Variants in CELF2 observed in about 807,000 individuals in gnomAD.
CELF2 encodes CUGBP Elav-like family member 2, also known as CUG triplet repeat RNA-binding protein 2.
Under a neutral mutation model 62.6 loss-of-function variants are expected in CELF2, and 8 were observed. The observed-to-expected ratio is 0.13, with a 90% CI of 0.07 to 0.23. The LOEUF is 0.23. Ranked by LOEUF, CELF2 falls within the 10% of genes least tolerant of loss-of-function variation. CELF2 has a pLI of 1.00. For missense variants in CELF2, 333 were observed against 671.0 expected, an observed-to-expected ratio of 0.50 and a Z score of 5.56; for synonymous variants, 258 against 250.0, an observed-to-expected ratio of 1.03 and a Z score of -0.30.
In CELF2 at chr10:11,008,924, TG is replaced by T. The variant is rs2055836397; in HGVS notation, c.53+3486del. On this transcript the variant is annotated intron_variant, in intron 1 of 12. Coordinates refer to the CELF2 transcript ENST00000416382. This position sits in a 1 kb window ranked among gnomAD's most constrained non-coding sequence, Gnocchi z 4.5. ...CAGTAATGAGCACAAGTCCATTCAG[TG>T]GCAATAATGCCTTCTTGGGTCACCT... is the stretch of plus-strand genomic sequence containing the variant. Among the ~76,000 whole-genome samples, 2 of 142,928 alleles carry T rather than the reference TG, an allele frequency of 1.4e-5. No individual in the cohort carries two copies. Among genetic ancestry groups the T allele is most frequent in the African/African-American group, 5.0e-5 (2 of 40,016 alleles). 93.8% of individuals were successfully genotyped at this position (142,928 alleles called of 152,430 possible).
At chr10:11,228,716 CGCAAAA>C (rs2067457472) in intron 3 of CELF2, among the ~76,000 whole-genome samples, 1 of 95,928 alleles carries the variant, frequency 1.0e-5, no homozygotes, top group Non-Finnish European at 2.0e-5. Flanking sequence ...CCGCGCCCCT[CGCAAAA>C]AAAAAAAAAA....
chr10:11,326,033 C>A, intron 12 of CELF2, 54 bp downstream of exon 12: 2 of 1,533,094 alleles, frequency 1.3e-6, no homozygotes, highest in South Asian at 1.2e-5. Flanking sequence ...AGTGAAGAGT[C>A]GTGGGAAGGA....
rs755142803 is a variant in CELF2 at position 11,290,113 on chromosome 10, C to T, written c.976+1561C>T. Among the ~76,000 whole-genome samples, 5 of 152,148 alleles carry T rather than the reference C, an allele frequency of 3.3e-5. No homozygotes were observed. The highest frequency in any genetic ancestry group is 7.3e-5 in the Non-Finnish European group (5 of 68,030). ...CGGCTGATTGGTGTAGCTAAGATAA[C>T]TCAAAAATCATATCCCAAAAGCGCT... On this transcript the variant is annotated intron_variant, in intron 9 of 12. Transcript: ENST00000633077. The surrounding 1 kb of genome is among the most constrained non-coding windows in gnomAD (Gnocchi z 4.3).
chr10:11,242,399 C>T lies in CELF2; in HGVS notation c.355-6754C>T, dbSNP rs993744501. Among the ~76,000 whole-genome samples the T allele has an allele frequency of 9.2e-5, 14 of 152,152 alleles. No homozygotes were observed. The highest frequency in any genetic ancestry group is 3.4e-4 in the African/African-American group (14 of 41,426). On this transcript the variant is annotated intron_variant, in intron 3 of 12. Coordinates refer to ENST00000633077, the MANE Select transcript of CELF2 (RefSeq NM_001326342.2). The surrounding 1 kb of genome is among the most constrained non-coding windows in gnomAD (Gnocchi z 4.8). ...CCCAGGACTCTGTCTCCAGACTAGGCCTGTGTTGGCTCGGAACCCTCCCTT... is the reference window on the plus strand; with the variant it reads ...CCCAGGACTCTGTCTCCAGACTAGGTCTGTGTTGGCTCGGAACCCTCCCTT...
chr10:11,246,008 C>T lies in CELF2; in HGVS notation c.355-3145C>T, dbSNP rs757639007. On this transcript the variant is annotated intron_variant, in intron 3 of 12. Coordinates refer to ENST00000633077, the MANE Select transcript of CELF2 (RefSeq NM_001326342.2). The surrounding 1 kb of genome is among the most constrained non-coding windows in gnomAD (Gnocchi z 4.6). ...AGTCACTTATTCCCTTCATACCTGT[C>T]AGCCGAGAGCACTGACTGCGTGATT... Among the ~76,000 whole-genome samples the T allele has an allele frequency of 1.4e-4, 22 of 152,166 alleles. No homozygotes were observed. Among genetic ancestry groups the T allele is most frequent in the African/African-American group, 2.4e-5 (1 of 41,438 alleles).
chr10:10,707,970 C>T, the CELF2 span, among the ~76,000 whole-genome samples: 11 of 151,978 alleles, frequency 7.2e-5, no homozygotes, highest in African/African-American at 1.2e-4. Flanking sequence ...CTATCTTTAA[C>T]GTATATTATC....
At chr10:10,600,709 T>C in the CELF2 span, among the ~76,000 whole-genome samples, 1 of 152,320 alleles carries the variant, frequency 6.6e-6, no homozygotes, top group African/African-American at 2.4e-5. Flanking sequence ...AGTTTTTCAG[T>C]TTGTTAAAGA....
At chr10:10,904,107 G>A (rs1251882777) in intron 1 of CELF2, among the ~76,000 whole-genome samples, 3 of 152,150 alleles carry the variant, frequency 2.0e-5, no homozygotes, top group Non-Finnish European at 4.4e-5. Context: ...ATGTACCCAT[G>A]GAATATTTTA....
chr10:10,814,233 A>AT (rs2056227192), intron 1 of CELF2, among the ~76,000 whole-genome samples: 2 of 149,388 alleles, frequency 1.3e-5, no homozygotes, highest in Non-Finnish European at 3.0e-5. Flanking sequence ...AAAAAAAAAA[A>AT]AAAAAAAGCT....
At chr10:10,752,003 C>T in the CELF2 span, among the ~76,000 whole-genome samples, 1 of 152,158 alleles carries the variant, frequency 6.6e-6, no homozygotes, top group Non-Finnish European at 1.5e-5. Context: ...TTAGTAACAA[C>T]AAATTATGAC....
intron 1 of CELF2, among the ~76,000 whole-genome samples, chr10:11,152,941 G>C (rs1288884719): frequency 6.6e-6 from 1 of 152,180 alleles, no homozygotes; most frequent in African/African-American, 2.4e-5. Flanking sequence ...TGGCTGTGGC[G>C]CTGATTTCTC....
the CELF2 span, among the ~76,000 whole-genome samples, chr10:10,492,015 T>G: frequency 6.6e-6 from 1 of 152,280 alleles, no homozygotes; most frequent in South Asian, 2.1e-4. Context: ...GTCCTCTCAC[T>G]TCTTGTGCTA....
chr10:11,142,608 C>T (rs1463458931), intron 1 of CELF2, among the ~76,000 whole-genome samples: 2 of 144,366 alleles, frequency 1.4e-5, no homozygotes, highest in Non-Finnish European at 3.0e-5. Context: ...GGCGTGAACC[C>T]GGGAGGTAGG....
rs150054618 is a variant in CELF2, at chr10:10,990,968, C to CGTGTGTGT, written c.89+70983_89+70990dup. ...ACAGCATCTTTTTGAGGTTCTTTTG[C>CGTGTGTGT]GTGTGTGTGTGTGTGTGTGTGCCCA... On this transcript the variant is annotated intron_variant, in intron 2 of 13. Coordinates refer to the CELF2 transcript ENST00000636488. The surrounding 1 kb of genome is among the most constrained non-coding windows in gnomAD (Gnocchi z 4.6). Among the ~76,000 whole-genome samples the CGTGTGTGT allele has an allele frequency of 2.2e-3, 321 of 148,564 alleles. 5 individuals carry two copies. The highest frequency in any genetic ancestry group is 7.6e-3 in the African/African-American group (308 of 40,612).
At chr10:10,826,186 C>A (rs199624049) in intron 1 of CELF2, among the ~76,000 whole-genome samples, 4 of 151,870 alleles carry the variant, frequency 2.6e-5, no homozygotes, top group East Asian at 1.9e-4. Flanking sequence ...AAAAAACAAT[C>A]CTTAGTTTTT....
At chr10:10,689,323 A>T in the CELF2 span, among the ~76,000 whole-genome samples, 1 of 152,280 alleles carries the variant, frequency 6.6e-6, no homozygotes, top group East Asian at 1.9e-4. Context: ...TTAAACCATC[A>T]GATCTCATGA....
chr10:10,537,918 C>T, the CELF2 span, among the ~76,000 whole-genome samples: 1 of 152,104 alleles, frequency 6.6e-6, no homozygotes, highest in Admixed American at 6.5e-5. Context: ...TTGGGGGGTC[C>T]GTGGCCGCGG....
chr10:10,860,452 T>C (rs1280199491), intron 1 of CELF2, among the ~76,000 whole-genome samples: 2 of 152,210 alleles, frequency 1.3e-5, no homozygotes, highest in African/African-American at 4.8e-5. Flanking sequence ...GACTAGAGTC[T>C]TCTGATGGAA....
At chr10:10,899,902 A>G (rs1180429809) in intron 1 of CELF2, among the ~76,000 whole-genome samples, 1 of 152,242 alleles carries the variant, frequency 6.6e-6, no homozygotes, top group Non-Finnish European at 1.5e-5. Flanking sequence ...CTCTACCTCC[A>G]GCATTGGGGA....
Sources: allele counts gnomAD v4.1 joint callset (sites outside exome capture counted in the v4.1 genomes callset), GRCh38; gene constraint gnomAD v4.1.1; non-coding constraint Gnocchi (gnomAD v3.1); transcripts MANE v1.5; gene names NCBI Gene and HGNC (gene_info 2026-07-23, HGNC 2026-07-21).